The following CLIC5 variants were observed in gnomAD, a reference collection of about 807,000 sequenced individuals.
CLIC5 encodes CLIC family member 5, also known as chloride intracellular channel protein 5.
In CLIC5, 20 loss-of-function variants were observed where a neutral mutation model predicts 24.7. The observed-to-expected ratio is 0.81, with a 90% CI of 0.57 to 1.18. The LOEUF is 1.18. Ranked by LOEUF, CLIC5 falls within the 50% of genes most tolerant of loss-of-function variation. The pLI is 0.00. For missense variants in CLIC5, 341 were observed against 326.1 expected, an observed-to-expected ratio of 1.05 and a Z score of -0.35; for synonymous variants, 159 against 135.6, an observed-to-expected ratio of 1.17 and a Z score of -1.20.
At chr6:45,940,106 C>A (rs1490307946) in intron 4 of CLIC5, among the ~76,000 whole-genome samples, 3 of 152,206 alleles carry the variant, frequency 2.0e-5, no homozygotes, top group Middle Eastern at 3.2e-3. Flanking sequence ...CTGTCCCTGA[C>A]TTTTTCTCAA....
chr6:46,075,804 A>G (rs1217498722), intron 1 of CLIC5, among the ~76,000 whole-genome samples: 1 of 152,168 alleles, frequency 6.6e-6, no homozygotes, highest in African/African-American at 2.4e-5. Context: ...ACATACATAC[A>G]TACAGACACA....
At chr6:46,036,641 C>A (rs977334183) in intron 1 of CLIC5, among the ~76,000 whole-genome samples, 4 of 152,298 alleles carry the variant, frequency 2.6e-5, no homozygotes, top group East Asian at 1.9e-4. Context: ...AGGACCACAT[C>A]TTACAGTTAT....
chr6:46,084,165 A>G (rs914500458), upstream of CLIC5, among the ~76,000 whole-genome samples: 15 of 151,812 alleles, frequency 9.9e-5, 1 homozygote, highest in Non-Finnish European at 2.1e-4. Flanking sequence ...GAGCCTATGT[A>G]TGTCTCTGCA....
intron 1 of CLIC5, among the ~76,000 whole-genome samples, chr6:45,960,268 G>C (rs546896128): frequency 1.3e-5 from 2 of 152,204 alleles, no homozygotes; most frequent in Non-Finnish European, 2.9e-5. Flanking sequence ...ATTCAGAGAG[G>C]ATCCAAGAAG....
intron 1 of CLIC5, among the ~76,000 whole-genome samples, chr6:46,063,627 G>T (rs981232375): frequency 6.6e-6 from 1 of 152,190 alleles, no homozygotes; most frequent in Non-Finnish European, 1.5e-5. Context: ...ATCTGCATGT[G>T]CATGGGAGAA....
chr6:45,983,994 A>C (rs1765649631), intron 1 of CLIC5, among the ~76,000 whole-genome samples: 1 of 152,220 alleles, frequency 6.6e-6, no homozygotes, highest in South Asian at 2.1e-4. Flanking sequence ...AATGTCCAGC[A>C]CATAGTAGGG....
chr6:46,086,238 T>C, the CLIC5 span, among the ~76,000 whole-genome samples: 5 of 152,210 alleles, frequency 3.3e-5, no homozygotes, highest in African/African-American at 1.2e-4. Context: ...TCGTGCACGG[T>C]GCACTGCACC....
intron 1 of CLIC5, among the ~76,000 whole-genome samples, chr6:46,006,666 T>C (rs12206357): frequency 0.33 from 50,408 of 150,668 alleles, 8,620 homozygotes; most frequent in Middle Eastern, 0.45. Context: ...TCTCAAATGA[T>C]ATTTCTTTTT....
chr6:46,005,903 T>G (rs1227607895), intron 1 of CLIC5, among the ~76,000 whole-genome samples: 1 of 150,364 alleles, frequency 6.7e-6, no homozygotes, highest in Non-Finnish European at 1.5e-5. Flanking sequence ...AGAAATAAAT[T>G]TCTGTTGTTT....
intron 1 of CLIC5, among the ~76,000 whole-genome samples, chr6:46,045,509 T>C (rs1767929277): frequency 6.6e-6 from 1 of 152,172 alleles, no homozygotes; most frequent in South Asian, 2.1e-4. Context: ...TTCTCCATGA[T>C]GCTGGTTGCC....
chr6:46,081,001 C>T (rs1281681632), upstream of CLIC5, among the ~76,000 whole-genome samples: 1 of 152,180 alleles, frequency 6.6e-6, no homozygotes, highest in Non-Finnish European at 1.5e-5. Context: ...AAAATCCTAT[C>T]ATATACAGAA....
the CLIC5 span, among the ~76,000 whole-genome samples, chr6:46,093,237 G>T: frequency 6.6e-6 from 1 of 152,014 alleles, no homozygotes; most frequent in Non-Finnish European, 1.5e-5. Flanking sequence ...CCTGGTCCCG[G>T]CTTACCACCT....
At chr6:46,003,436 A>G (rs1766431332) in intron 1 of CLIC5, among the ~76,000 whole-genome samples, 1 of 152,140 alleles carries the variant, frequency 6.6e-6, no homozygotes. Context: ...CAACAACAAC[A>G]CCAACAACAA....
At chr6:45,914,564 C>T (rs563029922) in intron 4 of CLIC5, 155 bp from the exon 5 acceptor site, 2 of 1,255,838 alleles carry the variant, frequency 1.6e-6, no homozygotes, top group East Asian at 6.0e-5. Context: ...ACCATTAACA[C>T]AATGCAGTAG....
the CLIC5 span, among the ~76,000 whole-genome samples, chr6:46,090,646 A>C: frequency 6.6e-6 from 1 of 152,224 alleles, no homozygotes; most frequent in African/African-American, 2.4e-5. Flanking sequence ...ATGTGTATAC[A>C]TTGTGGAATA....
the CLIC5 span, among the ~76,000 whole-genome samples, chr6:46,117,275 T>C: frequency 1.3e-5 from 2 of 152,078 alleles, no homozygotes; most frequent in African/African-American, 4.8e-5. Context: ...ACATGCCTGA[T>C]CATGAGACAC....
At chr6:46,094,729 T>A in the CLIC5 span, among the ~76,000 whole-genome samples, 4 of 152,324 alleles carry the variant, frequency 2.6e-5, no homozygotes, top group South Asian at 8.3e-4. Flanking sequence ...CTGTGGCTTT[T>A]CCAGGTACAT....
At chr6:45,981,651 C>G (rs556863277) in intron 1 of CLIC5, among the ~76,000 whole-genome samples, 1 of 152,204 alleles carries the variant, frequency 6.6e-6, no homozygotes, top group East Asian at 1.9e-4. Context: ...TATTGCTGTT[C>G]AGTTTTGGTG....
intron 1 of CLIC5, among the ~76,000 whole-genome samples, chr6:46,048,934 T>C (rs1052883757): frequency 6.6e-6 from 1 of 152,074 alleles, no homozygotes; most frequent in Non-Finnish European, 1.5e-5. Context: ...TCAGACAAAA[T>C]CTAATTTGAG....
Sources: allele counts gnomAD v4.1 joint callset (sites outside exome capture counted in the v4.1 genomes callset), GRCh38; gene constraint gnomAD v4.1.1; transcripts MANE v1.5; gene names NCBI Gene and HGNC (gene_info 2026-07-23, HGNC 2026-07-21).